MSRA: variants seen among roughly 807,000 people sequenced by gnomAD.
MSRA encodes the protein mitochondrial peptide methionine sulfoxide reductase.
MSRA carries 54 observed loss-of-function variants against 31.3 expected under a neutral mutation model. The observed-to-expected ratio is 1.73, with a 90% confidence interval of 1.39 to 2.17. The LOEUF (loss-of-function observed/expected upper bound fraction) is 2.17, where lower values mean the gene tolerates loss of function less well. Ranked by LOEUF, MSRA falls within the 30% of genes most tolerant of loss-of-function variation. The probability of loss-of-function intolerance (pLI) is 0.00; values close to 1 mark genes in which losing one functional copy is unlikely to be tolerated. For synonymous variants in MSRA, 169 were observed against 116.5 expected, an observed-to-expected ratio of 1.45 and a Z score of -2.90; for missense variants, 507 against 300.9, an observed-to-expected ratio of 1.69 and a Z score of -5.07.
At chr8:10,420,267 G>A (rs911237484) in intron 5 of MSRA, among the ~76,000 whole-genome samples, 4 of 152,014 alleles carry the variant, frequency 2.6e-5, no homozygotes, top group Non-Finnish European at 4.4e-5. Flanking sequence ...GGGGTTGCCC[G>A]GGGCTGGGGA....
intron 5 of MSRA, among the ~76,000 whole-genome samples, chr8:10,427,839 C>T (rs1346465008): frequency 6.6e-6 from 1 of 152,202 alleles, no homozygotes; most frequent in African/African-American, 2.4e-5. Flanking sequence ...TTCAAACAGA[C>T]CCACAGCGTC....
chr8:10,303,472 T>G (rs773020672), intron 4 of MSRA, among the ~76,000 whole-genome samples: 1 of 152,172 alleles, frequency 6.6e-6, no homozygotes, highest in Admixed American at 6.5e-5. Flanking sequence ...GTGGCATCTC[T>G]GGGGTTAAAA....
chr8:10,216,394 C>T (rs940279524), intron 2 of MSRA, among the ~76,000 whole-genome samples: 5 of 152,008 alleles, frequency 3.3e-5, no homozygotes, highest in Non-Finnish European at 7.4e-5. Flanking sequence ...TGATGGACTT[C>T]ATTTTTAAAA....
intron 5 of MSRA, among the ~76,000 whole-genome samples, chr8:10,364,148 T>C (rs1257290165): frequency 2.0e-5 from 3 of 152,152 alleles, no homozygotes; most frequent in African/African-American, 7.2e-5. Flanking sequence ...TGAATTAGAA[T>C]TGGAATTAGC....
chr8:10,094,987 A>T (rs1451819109), intron 1 of MSRA, among the ~76,000 whole-genome samples: 2 of 152,214 alleles, frequency 1.3e-5, no homozygotes, highest in African/African-American at 4.8e-5. Context: ...TACAGTTTGT[A>T]TTAGAGCCTC....
chr8:10,277,209 T>C (rs1267766830), intron 3 of MSRA, among the ~76,000 whole-genome samples: 6 of 152,214 alleles, frequency 3.9e-5, no homozygotes, highest in Non-Finnish European at 8.8e-5. Flanking sequence ...ACAGTAATAA[T>C]CTAAGTCTCG....
At chr8:10,078,374 G>A (rs908365114) in intron 1 of MSRA, among the ~76,000 whole-genome samples, 6 of 152,208 alleles carry the variant, frequency 3.9e-5, no homozygotes, top group Non-Finnish European at 5.9e-5. Context: ...ACATTCATGC[G>A]TGGAGCTCAG....
chr8:10,306,575 T>C (rs547817254), intron 4 of MSRA, among the ~76,000 whole-genome samples: 2 of 152,118 alleles, frequency 1.3e-5, no homozygotes, highest in Non-Finnish European at 2.9e-5. Flanking sequence ...TTGCTGGTGC[T>C]GACAGTGGTG....
chr8:10,072,736 G>C (rs1478810335), intron 1 of MSRA, among the ~76,000 whole-genome samples: 1 of 152,184 alleles, frequency 6.6e-6, no homozygotes, highest in Admixed American at 6.5e-5. Context: ...AGCACAGCAT[G>C]TCTTTCCATT....
chr8:10,165,840 A>G (rs913970947), intron 1 of MSRA, among the ~76,000 whole-genome samples: 1 of 152,180 alleles, frequency 6.6e-6, no homozygotes, highest in African/African-American at 2.4e-5. Flanking sequence ...GTCAAACACC[A>G]TTCTCAGTTT....
chr8:10,416,381 G>A (rs564060780), intron 5 of MSRA, among the ~76,000 whole-genome samples: 2 of 152,292 alleles, frequency 1.3e-5, no homozygotes, highest in Admixed American at 1.3e-4. Context: ...CCCCATGCCC[G>A]GGAAAGCCCA....
At chr8:10,356,489 T>C (rs1804514826) in intron 5 of MSRA, among the ~76,000 whole-genome samples, 1 of 152,212 alleles carries the variant, frequency 6.6e-6, no homozygotes, top group African/African-American at 2.4e-5. Context: ...TGCATTTCTT[T>C]ACGGATTTGT....
chr8:10,325,092 A>T (rs1222638980), intron 5 of MSRA, among the ~76,000 whole-genome samples: 2 of 152,184 alleles, frequency 1.3e-5, no homozygotes, highest in African/African-American at 4.8e-5. Context: ...AGGGATCTAA[A>T]GTGATGCATT....
chr8:10,219,657 T>G (rs1162343670), intron 2 of MSRA, among the ~76,000 whole-genome samples: 6 of 151,788 alleles, frequency 4.0e-5, no homozygotes, highest in Admixed American at 3.9e-4. Context: ...ATACAAAAAA[T>G]TAGCTGGGCG....
intron 1 of MSRA, among the ~76,000 whole-genome samples, chr8:10,132,048 C>T (rs1194316897): frequency 6.6e-6 from 1 of 152,176 alleles, no homozygotes; most frequent in Non-Finnish European, 1.5e-5. Context: ...AGAAGACTGA[C>T]ATGTGTTATC....
At chr8:10,323,242 T>A (rs1222049703) in intron 5 of MSRA, among the ~76,000 whole-genome samples, 1 of 152,122 alleles carries the variant, frequency 6.6e-6, no homozygotes, top group Non-Finnish European at 1.5e-5. Flanking sequence ...AAAAAGTGGT[T>A]CAATTGTTTC....
chr8:10,107,602 T>A (rs1799979034), intron 1 of MSRA, among the ~76,000 whole-genome samples: 2 of 152,282 alleles, frequency 1.3e-5, no homozygotes, highest in African/African-American at 4.8e-5. Flanking sequence ...TGTAAGCATT[T>A]TTAAAAAAGG....
chr8:10,094,353 T>G (rs536090040), intron 1 of MSRA, among the ~76,000 whole-genome samples: 1 of 152,370 alleles, frequency 6.6e-6, no homozygotes, highest in South Asian at 2.1e-4. Context: ...TGCAAGACTT[T>G]GAGTTTTCTT....
Position 10,213,879 on chromosome 8 carries a change from G to C in MSRA, c.211+5978G>C, listed in dbSNP as rs368575003. Among the ~76,000 whole-genome samples the C allele has an allele frequency of 2.6e-5, 4 of 152,200 alleles. No individual in the cohort carries two copies. The South Asian group carries it at 8.3e-4, about 32-fold the overall frequency. On this transcript the variant is annotated intron_variant, in intron 2 of 5. Transcript: ENST00000317173. ...TTGCTGGATCTGAAGGTGTGAACCC[G>C]TACCATTTGGGAACTCACGTCCAGG...
Sources: gnomAD v4.1 joint callset for allele counts (sites outside exome capture counted in the v4.1 genomes callset) on GRCh38, gnomAD v4.1.1 for gene constraint, MANE v1.5 for transcripts, NCBI Gene and HGNC (gene_info 2026-07-23, HGNC 2026-07-21) for gene names.